VPS13D: variants seen among roughly 807,000 people sequenced by gnomAD.
The protein encoded by VPS13D is vacuolar protein sorting 13 homolog D.
A neutral mutation model predicts 461.9 loss-of-function variants in VPS13D; 187 were observed. That is an observed-to-expected ratio of 0.40 (90% CI 0.36 to 0.46). VPS13D has a LOEUF of 0.46. VPS13D is among the 20% of genes least tolerant of loss of function. VPS13D has a pLI of 0.60. For synonymous variants in VPS13D, 1,951 were observed against 1,986.3 expected (o/e 0.98, Z 0.47); for missense variants, 4,711 against 5,364.9 (o/e 0.88, Z 3.81).
At position 12,276,602 on chromosome 1, in the gene VPS13D, T is replaced by TG; in HGVS notation, c.3016dup (p.Val1006GlyfsTer10). ...TCCCTAACTGTTCATGGTTTGCTCC[T>TG]GGTGGATACCATGCAGACATATGGT... On this transcript the variant is annotated frameshift_variant, in exon 19 of 70. Transcript: ENST00000620676. LOFTEE classifies it high-confidence loss of function. The surrounding 1 kb of genome is among the most constrained non-coding windows in gnomAD (Gnocchi z 4.5). The TG allele has an allele frequency of 6.2e-7, 1 of 1,614,232 alleles. No individual in the cohort carries two copies. Among genetic ancestry groups the TG allele is most frequent in the Non-Finnish European group, 8.5e-7 (1 of 1,180,036 alleles).
chr1:12,379,672 A>G (rs1557743934), intron 57 of VPS13D, 76 bp downstream of exon 57: 1 of 1,054,428 alleles, frequency 9.5e-7, no homozygotes, highest in African/African-American at 1.6e-5. Flanking sequence ...ACTAAGTTAT[A>G]CATGATGAAT....
chr1:12,458,677 T>G (rs1034152927), intron 66 of VPS13D, among the ~76,000 whole-genome samples: 6 of 152,204 alleles, frequency 3.9e-5, no homozygotes, highest in African/African-American at 1.4e-4. Flanking sequence ...AGGAGTTTCC[T>G]TTACCAATTT....
At chr1:12,459,810 C>T (rs1362612371) in intron 66 of VPS13D, among the ~76,000 whole-genome samples, 3 of 152,098 alleles carry the variant, frequency 2.0e-5, no homozygotes, top group Non-Finnish European at 2.9e-5. Flanking sequence ...CCATCATCTT[C>T]AAACTTTCCC....
At chr1:12,322,773 C>T (rs767624402) in intron 34 of VPS13D, 27 bp downstream of exon 34, 1 of 1,602,878 alleles carries the variant, frequency 6.2e-7, no homozygotes, top group Non-Finnish European at 8.5e-7. Context: ...AAAACCCACT[C>T]AGTCTTGCTA....
chr1:12,252,428 A>C (rs77792821), intron 6 of VPS13D, among the ~76,000 whole-genome samples: 3 of 152,116 alleles, frequency 2.0e-5, no homozygotes, highest in Admixed American at 1.3e-4. Context: ...TCACCCTTCC[A>C]TATCCTCAGG....
intron 13 of VPS13D, among the ~76,000 whole-genome samples, chr1:12,262,942 A>C (rs954939576): frequency 6.6e-6 from 1 of 152,034 alleles, no homozygotes; most frequent in Non-Finnish European, 1.5e-5. Flanking sequence ...GACCTCAAGC[A>C]ATCTGTCCTC....
intron 49 of VPS13D, among the ~76,000 whole-genome samples, chr1:12,357,860 C>G (rs545053415): frequency 6.6e-6 from 1 of 152,018 alleles, no homozygotes; most frequent in East Asian, 1.9e-4. Flanking sequence ...AAAAATTAGC[C>G]GGGTGTGGTG....
In VPS13D at chr1:12,495,657, G is replaced by A. The variant is rs1265149511; in HGVS notation, c.12663-1843G>A. The stretch of plus-strand genomic sequence containing the variant: ...GAGCCTGCAGGCCTCCCAGTTGATT[G>A]GGGAAGATATGTTGAGACGAGTCTG... On this transcript the variant is annotated intron_variant, in intron 67 of 69. Transcript: ENST00000620676. The surrounding 1 kb of genome is among the most constrained non-coding windows in gnomAD (Gnocchi z 4.0). Among the ~76,000 whole-genome samples, 1 of 152,182 alleles carries A rather than the reference G, an allele frequency of 6.6e-6. No homozygotes were observed. The highest frequency in any genetic ancestry group is 1.5e-5 in the Non-Finnish European group (1 of 68,032).
intron 54 of VPS13D, among the ~76,000 whole-genome samples, chr1:12,373,187 C>T (rs976950735): frequency 7.6e-6 from 1 of 132,374 alleles, no homozygotes; most frequent in African/African-American, 2.9e-5. Flanking sequence ...GTGGTGCAGT[C>T]TCAGCTCACT....
chr1:12,381,126 C>T (rs570594503), intron 57 of VPS13D, among the ~76,000 whole-genome samples: 2 of 152,190 alleles, frequency 1.3e-5, no homozygotes, highest in Admixed American at 1.3e-4. Context: ...CAGTATTCAG[C>T]AGAGCAGAAT....
rs372890544 is a variant in VPS13D, at chr1:12,286,477, C to A, written c.5635-1746C>A. Among the ~76,000 whole-genome samples, 5 of 152,212 alleles carry A rather than the reference C, an allele frequency of 3.3e-5. No individual in the cohort carries two copies. In the South Asian group the frequency reaches 1.0e-3, roughly 31 times the overall value. ...CTTTTAATTATAGTGTATCTGCCCC[C>A]CTCCAACCCCACCGCCTATTGACTT... On this transcript the variant is annotated intron_variant, in intron 21 of 69. Transcript: ENST00000620676.
At chr1:12,301,477 A>G (rs1314382742) in intron 25 of VPS13D, among the ~76,000 whole-genome samples, 1 of 152,214 alleles carries the variant, frequency 6.6e-6, no homozygotes, top group African/African-American at 2.4e-5. Context: ...ATACAGCCAG[A>G]TGAAGAGGTG....
intron 29 of VPS13D, among the ~76,000 whole-genome samples, chr1:12,312,540 T>G (rs4634918): frequency 0.21 from 32,606 of 152,120 alleles, 6,396 homozygotes; most frequent in African/African-American, 0.52. Context: ...GGAGGATTGC[T>G]TGAGGCCAGG....
At chr1:12,497,010 C>T (rs1342469641) in intron 67 of VPS13D, 1 of 152,640 alleles carries the variant, frequency 6.6e-6, no homozygotes, top group East Asian at 1.9e-4. Flanking sequence ...ACTAAGTGCC[C>T]AGGATTTTCT....
chr1:12,489,040 C>T (rs1165548281), intron 67 of VPS13D, among the ~76,000 whole-genome samples: 1 of 152,180 alleles, frequency 6.6e-6, no homozygotes, highest in Non-Finnish European at 1.5e-5. Context: ...AAATTATGGC[C>T]TTTAAAGAAA....
intron 34 of VPS13D, among the ~76,000 whole-genome samples, chr1:12,323,409 G>A (rs1331097504): frequency 6.6e-6 from 1 of 152,020 alleles, no homozygotes; most frequent in Non-Finnish European, 1.5e-5. Context: ...ACACAGTCAG[G>A]GGAAAATGTA....
At chr1:12,309,150 T>C (rs1642657457) in intron 27 of VPS13D, among the ~76,000 whole-genome samples, 2 of 152,174 alleles carry the variant, frequency 1.3e-5, no homozygotes, top group Non-Finnish European at 1.5e-5. Flanking sequence ...TTATGTTTTG[T>C]TGAGGGATAC....
At chr1:12,316,973 A>T (rs1642902944) in intron 30 of VPS13D, among the ~76,000 whole-genome samples, 1 of 152,082 alleles carries the variant, frequency 6.6e-6, no homozygotes, top group Non-Finnish European at 1.5e-5. Flanking sequence ...TCAAATGTAG[A>T]CTTCGGAGCA....
intron 21 of VPS13D, among the ~76,000 whole-genome samples, chr1:12,285,616 A>G (rs1462384350): frequency 6.6e-6 from 1 of 152,082 alleles, no homozygotes; most frequent in Non-Finnish European, 1.5e-5. Flanking sequence ...AGCAAATTCC[A>G]GATATATCAT....
Sources: allele counts gnomAD v4.1 joint callset (sites outside exome capture counted in the v4.1 genomes callset), GRCh38; gene constraint gnomAD v4.1.1; non-coding constraint Gnocchi (gnomAD v3.1); transcripts MANE v1.5; gene names NCBI Gene and HGNC (gene_info 2026-07-23, HGNC 2026-07-21).